Variants in PCDHGA1 observed in about 807,000 individuals in gnomAD.
The protein encoded by PCDHGA1 is protocadherin gamma-A1.
In PCDHGA1, 32 loss-of-function variants were observed where a neutral mutation model predicts 58.0. The observed-to-expected ratio is 0.55, with a 90% CI of 0.42 to 0.74. The LOEUF (loss-of-function observed/expected upper bound fraction) is 0.74. PCDHGA1 is among the 30% of genes least tolerant of loss of function. The pLI, the probability that PCDHGA1 is intolerant of heterozygous loss-of-function variation, is 0.00. For missense variants in PCDHGA1, 1,205 were observed against 1,182.3 expected, an observed-to-expected ratio of 1.02 and a Z score of -0.28; for synonymous variants, 498 against 501.1, an observed-to-expected ratio of 0.99 and a Z score of 0.08.
chr5:141,358,763 C>G (rs984057790), intron 1 of PCDHGA1, among the ~76,000 whole-genome samples: 3 of 152,156 alleles, frequency 2.0e-5, no homozygotes, highest in African/African-American at 7.2e-5. Flanking sequence ...ATCATGTGAG[C>G]CTCTTTCAAA....
rs555713417 is a variant in PCDHGA1, at chr5:141,357,809, T to C, written c.2421+24704T>C. ...ATTTACCACACAAAAATGTTGTTTATTACTTATCCTTTTTGGTCTTCATTC... is the reference window on the plus strand; with the variant it reads ...ATTTACCACACAAAAATGTTGTTTACTACTTATCCTTTTTGGTCTTCATTC... On this transcript the variant is annotated intron_variant, in intron 1 of 3. Coordinates refer to ENST00000517417, the MANE Select transcript of PCDHGA1 (RefSeq NM_018912.3). 4.0e-5 allele frequency: 30 copies of C among 756,534 alleles called. No individual in the cohort carries two copies. In the East Asian group the frequency reaches 6.6e-4, roughly 17 times the overall value. 46.9% of individuals were successfully genotyped at this position (756,534 alleles called of 1,614,324 possible).
chr5:141,397,809 A>G lies in PCDHGA1; in HGVS notation c.2421+64704A>G, dbSNP rs116170608. Among the ~76,000 whole-genome samples, 1,507 of 152,354 alleles carry G rather than the reference A, an allele frequency of 9.9e-3. 33 individuals carry two copies. Among genetic ancestry groups the G allele is most frequent in the African/African-American group, 0.034 (1,415 of 41,586 alleles). ...ACTTGGCTTGTTAAGTTAGGCACACAAAAACAATTACTGCACTGGTTAACT... is the reference window on the plus strand; with the variant it reads ...ACTTGGCTTGTTAAGTTAGGCACACGAAAACAATTACTGCACTGGTTAACT... On this transcript the variant is annotated intron_variant, in intron 1 of 3. Coordinates refer to ENST00000517417, the MANE Select transcript of PCDHGA1 (RefSeq NM_018912.3).
At chr5:141,422,040 C>T (rs1045003805) in intron 1 of PCDHGA1, 10 of 1,611,324 alleles carry the variant, frequency 6.2e-6, no homozygotes, top group African/African-American at 4.0e-5. Context: ...CGGATCCAGA[C>T]GAGGGAATCA....
At position 141,331,251 on chromosome 5, in the gene PCDHGA1, T is replaced by C; in HGVS notation, c.567T>C (p.Pro189=). Residue 189 remains proline, a synonymous_variant, in exon 1 of 4, where the codon CCT becomes CCC. Transcript: ENST00000517417. ...ATGTGCAACAGGGAGCCGATGGGCC[T>C]CAACATCCAGAGATGGTGCTGCAGA... ...SLDVQQGADG[P]QHPEMVLQSP... is the part of the protein sequence containing the mutation. 1 of 1,614,100 alleles carries C rather than the reference T, an allele frequency of 6.2e-7. No individual in the cohort carries two copies. Among genetic ancestry groups the C allele is most frequent in the Non-Finnish European group, 8.5e-7 (1 of 1,180,036 alleles).
chr5:141,473,382 C>A (rs780229708), intron 1 of PCDHGA1, among the ~76,000 whole-genome samples: 12 of 152,190 alleles, frequency 7.9e-5, no homozygotes, highest in Non-Finnish European at 1.8e-4. Context: ...TGGTCCCTGC[C>A]CTCCTGGAGC....
intron 1 of PCDHGA1, chr5:141,341,121 G>A (rs758237668): frequency 4.3e-6 from 7 of 1,614,094 alleles, no homozygotes; most frequent in Admixed American, 3.3e-5. Flanking sequence ...CACAGGCTGC[G>A]GCGCTGGCAC....
At chr5:141,371,264 A>C in intron 1 of PCDHGA1, 1 of 1,614,064 alleles carries the variant, frequency 6.2e-7, no homozygotes, top group South Asian at 1.1e-5. Context: ...AAGTGAGACA[A>C]CTGTTCAAGC....
At chr5:141,505,305 C>T (rs1363643214) in intron 2 of PCDHGA1, 88 bp from the exon 3 acceptor site, 2 of 1,595,104 alleles carry the variant, frequency 1.3e-6, no homozygotes, top group Admixed American at 1.7e-5. Flanking sequence ...GGTTAGGGTA[C>T]TAGGTTTGGG....
chr5:141,511,443 C>A lies in PCDHGA1; in HGVS notation c.*270C>A. On this transcript the variant is annotated 3_prime_UTR_variant, in exon 4 of 4. Coordinates refer to ENST00000517417, the MANE Select transcript of PCDHGA1 (RefSeq NM_018912.3). ...GGGGTAGTGGGGTTACTGTAGACAC[C>A]AAGAACCATTTGCCACACCCCGTTT... 1 of 670,886 alleles carries A rather than the reference C, an allele frequency of 1.5e-6. No homozygotes were observed. Among genetic ancestry groups the A allele is most frequent in the Non-Finnish European group, 2.4e-6 (1 of 421,442 alleles). 41.6% of individuals were successfully genotyped at this position (670,886 alleles called of 1,614,324 possible).
intron 1 of PCDHGA1, chr5:141,408,186 G>A (rs529140572): frequency 1.7e-4 from 266 of 1,542,242 alleles, no homozygotes; most frequent in Non-Finnish European, 2.2e-4. Flanking sequence ...GGGACCCAGC[G>A]AGAACCCGAG....
chr5:141,496,943 T>C (rs1023861484), intron 2 of PCDHGA1, among the ~76,000 whole-genome samples: 2 of 151,258 alleles, frequency 1.3e-5, no homozygotes, highest in African/African-American at 2.4e-5. Flanking sequence ...CCCAGCACTT[T>C]GGGAGGCCAA....
intron 1 of PCDHGA1, chr5:141,420,414 T>C: frequency 8.2e-7 from 1 of 1,221,674 alleles, no homozygotes; most frequent in Non-Finnish European, 1.1e-6. Flanking sequence ...GTTATCATTA[T>C]TAAAACAAAA....
intron 1 of PCDHGA1, chr5:141,416,520 G>A (rs1209482346): frequency 6.6e-6 from 1 of 152,136 alleles, no homozygotes; most frequent in African/African-American, 2.4e-5. Context: ...TATTTCAGTG[G>A]CTCTTTAATG....
At chr5:141,345,170 T>G in intron 1 of PCDHGA1, 1 of 1,614,000 alleles carries the variant, frequency 6.2e-7, no homozygotes, top group East Asian at 2.2e-5. Flanking sequence ...CTGGGCAGAA[T>G]GGGCAGGTTG....
chr5:141,418,712 G>A (rs1431536945), intron 1 of PCDHGA1: 1 of 1,613,976 alleles, frequency 6.2e-7, no homozygotes, highest in African/African-American at 1.3e-5. Context: ...CTTTGGTGTG[G>A]CTGACAAAGC....
Position 141,490,652 on chromosome 5 carries a change from C to T in PCDHGA1, c.2422-4155C>T, listed in dbSNP as rs1277273880. The T allele has an allele frequency of 1.2e-6, 2 of 1,614,208 alleles. No individual in the cohort carries two copies. The highest frequency in any genetic ancestry group is 1.7e-6 in the Non-Finnish European group (2 of 1,180,026). On this transcript the variant is annotated intron_variant, in intron 1 of 3. Coordinates refer to ENST00000517417, the MANE Select transcript of PCDHGA1 (RefSeq NM_018912.3). The surrounding 1 kb of genome is among the most constrained non-coding windows in gnomAD (Gnocchi z 5.4). ...ATCCTAGAAAACCGGCCTCCGGGCT[C>T]CCTTCTTTGCACTGTGGCTGCCTCA...
At chr5:141,367,886 C>T (rs976689634) in intron 1 of PCDHGA1, 1 of 151,934 alleles carries the variant, frequency 6.6e-6, no homozygotes, top group Non-Finnish European at 1.5e-5. Context: ...TTCTTTATTA[C>T]TTGAGTTTAA....
Position 141,476,116 on chromosome 5 carries a change from G to C in PCDHGA1, c.2422-18691G>C, listed in dbSNP as rs367958555. On this transcript the variant is annotated intron_variant, in intron 1 of 3. Transcript: ENST00000517417. The surrounding 1 kb of genome is among the most constrained non-coding windows in gnomAD (Gnocchi z 7.6). ...GCTGAGAGGAACTGCTTTTGAGTGA[G>C]ATGGTCCCAGAGGCCTGGAGGAGCG... 504 of 1,593,954 alleles carry C rather than the reference G, an allele frequency of 3.2e-4. No individual in the cohort carries two copies. Among genetic ancestry groups the C allele is most frequent in the Non-Finnish European group, 4.1e-4 (479 of 1,172,292 alleles).
At chr5:141,338,974 G>C in intron 1 of PCDHGA1, 2 of 1,530,534 alleles carry the variant, frequency 1.3e-6, no homozygotes, top group Non-Finnish European at 1.8e-6. Context: ...GGAGGGAAAT[G>C]GCGGCTCTGC....
Sources: gnomAD v4.1 joint callset for allele counts (sites outside exome capture counted in the v4.1 genomes callset) on GRCh38, gnomAD v4.1.1 for gene constraint, Gnocchi (gnomAD v3.1) non-coding constraint, MANE v1.5 for transcripts, NCBI Gene and HGNC (gene_info 2026-07-23, HGNC 2026-07-21) for gene names.